The following SLCO1A2 variants were observed in gnomAD, a reference collection of about 807,000 sequenced individuals.
SLCO1A2 encodes solute carrier organic anion transporter family member 1A2.
A neutral mutation model predicts 69.0 loss-of-function variants in SLCO1A2; 67 were observed. That is an observed-to-expected ratio of 0.97 (90% CI 0.80 to 1.19). The LOEUF (loss-of-function observed/expected upper bound fraction) is 1.19, where lower values mean the gene tolerates loss of function less well. Ranked by LOEUF, SLCO1A2 falls within the 50% of genes most tolerant of loss-of-function variation. SLCO1A2 has a pLI of 0.00. For synonymous variants in SLCO1A2, 260 were observed against 265.9 expected, an observed-to-expected ratio of 0.98 and a Z score of 0.22; for missense variants, 787 against 793.7, an observed-to-expected ratio of 0.99 and a Z score of 0.10.
intron 2 of SLCO1A2, among the ~76,000 whole-genome samples, chr12:21,321,752 A>G (rs1001208719): frequency 2.6e-5 from 4 of 152,168 alleles, no homozygotes; most frequent in Admixed American, 1.3e-4. Context: ...CTCAAGACTC[A>G]GGTATTTTAT....
chr12:21,266,824 G>A lies in SLCO1A2; in HGVS notation c.*2724C>T, dbSNP rs1410619611. On this transcript the variant is annotated 3_prime_UTR_variant, in exon 15 of 15. Transcript: ENST00000683939. ...AATTAATTAAAATAAAACCATAGGT[G>A]GATTCACAAAGAAACTGTGTAAGCA... 1.3e-5 allele frequency: 2 copies of A among 151,834 alleles called. No homozygotes were observed. The highest frequency in any genetic ancestry group is 6.6e-5 in the Admixed American group (1 of 15,238). The allele number at this position is 151,834 out of a possible 1,614,324, so 9.4% of individuals were successfully genotyped here.
At chr12:21,348,348 C>G (rs1264404123) in intron 2 of SLCO1A2, among the ~76,000 whole-genome samples, 1 of 152,148 alleles carries the variant, frequency 6.6e-6, no homozygotes, top group African/African-American at 2.4e-5. Flanking sequence ...TTCATTCTGT[C>G]TATTTTTGTA....
chr12:21,346,168 C>T (rs933912316), intron 2 of SLCO1A2, among the ~76,000 whole-genome samples: 1 of 152,050 alleles, frequency 6.6e-6, no homozygotes, highest in Non-Finnish European at 1.5e-5. Flanking sequence ...AAACCATACT[C>T]ATTTAATATA....
intron 10 of SLCO1A2, chr12:21,295,290 A>G (rs960209661): frequency 4.3e-6 from 1 of 233,562 alleles, no homozygotes; most frequent in African/African-American, 2.3e-5. Flanking sequence ...ATACAACCTG[A>G]AACTGTAGGT....
intron 2 of SLCO1A2, among the ~76,000 whole-genome samples, chr12:21,342,013 G>A (rs1416760329): frequency 6.6e-6 from 1 of 151,956 alleles, no homozygotes; most frequent in East Asian, 1.9e-4. Context: ...CCACTCAGCT[G>A]AATACCGTTT....
intron 12 of SLCO1A2, among the ~76,000 whole-genome samples, chr12:21,291,406 T>G (rs1197298533): frequency 1.3e-5 from 2 of 152,028 alleles, no homozygotes; most frequent in Non-Finnish European, 2.9e-5. Context: ...TAGAAATAAA[T>G]AAATAAATGA....
At chr12:21,310,772 T>C (rs1950038750) in intron 4 of SLCO1A2, among the ~76,000 whole-genome samples, 1 of 152,156 alleles carries the variant, frequency 6.6e-6, no homozygotes, top group African/African-American at 2.4e-5. Context: ...CTGGCTCATT[T>C]TTTTGTGTTT....
At chr12:21,330,308 C>T (rs1184112677) in intron 2 of SLCO1A2, among the ~76,000 whole-genome samples, 1 of 151,910 alleles carries the variant, frequency 6.6e-6, no homozygotes, top group Non-Finnish European at 1.5e-5. Flanking sequence ...GCCTGGGCAA[C>T]ATGTGACACT....
rs566271897 is a variant in SLCO1A2 at position 21,269,272 on chromosome 12, C to T, written c.*276G>A. ...AGATGTAGGAAGTACACCCTTACTT[C>T]GATGAATTAAGGGAAATTGCTGTTT... On this transcript the variant is annotated 3_prime_UTR_variant, in exon 15 of 15. Coordinates refer to ENST00000683939, the MANE Select transcript of SLCO1A2 (RefSeq NM_001386879.1). The T allele has an allele frequency of 5.5e-5, 14 of 254,186 alleles. No individual in the cohort carries two copies. The highest frequency in any genetic ancestry group is 2.7e-4 in the African/African-American group (12 of 44,736). 15.7% of individuals were successfully genotyped at this position (254,186 alleles called of 1,614,324 possible).
intron 4 of SLCO1A2, among the ~76,000 whole-genome samples, chr12:21,312,039 GGAAGAAGAAGAGGAGGA>G (rs1950264016): frequency 1.3e-5 from 2 of 150,182 alleles, no homozygotes; most frequent in Non-Finnish European, 1.5e-5. Flanking sequence ...AAGAAGAAGA[GGAAGAAGAAGAGGAGGA>G]GAAGAAGAAG....
intron 1 of SLCO1A2, among the ~76,000 whole-genome samples, chr12:21,401,747 T>A (rs1448603878): frequency 6.6e-6 from 1 of 151,906 alleles, no homozygotes; most frequent in Admixed American, 6.6e-5. Flanking sequence ...TGACATAGGA[T>A]ACTAAAGCCT....
At chr12:21,299,361 G>T (rs1948215429) in intron 8 of SLCO1A2, among the ~76,000 whole-genome samples, 1 of 149,442 alleles carries the variant, frequency 6.7e-6, no homozygotes, top group Admixed American at 6.6e-5. Flanking sequence ...CTTTTATTGA[G>T]GTTCTGTACC....
intron 1 of SLCO1A2, among the ~76,000 whole-genome samples, chr12:21,390,641 A>C (rs1276552262): frequency 6.6e-6 from 1 of 152,144 alleles, no homozygotes; most frequent in East Asian, 1.9e-4. Context: ...AATTGATACT[A>C]ACTTTTAAAC....
chr12:21,407,584 T>C lies in SLCO1A2; in HGVS notation c.-312+10298A>G, dbSNP rs151145027. Among the ~76,000 whole-genome samples the C allele has an allele frequency of 2.6e-5, 4 of 152,140 alleles. No individual in the cohort carries two copies. The East Asian group carries it at 7.7e-4, about 29-fold the overall frequency. ...GGGAGGCCAAGGCAGACGAATCACT[T>C]GAGCTCAGGAGTTCAAGACTAGCCT... is the stretch of plus-strand genomic sequence containing the variant. On this transcript the variant is annotated intron_variant, in intron 1 of 4. Transcript: ENST00000413682.
chr12:21,407,621 C>A (rs139073470), intron 1 of SLCO1A2, among the ~76,000 whole-genome samples: 229 of 152,026 alleles, frequency 1.5e-3, no homozygotes, highest in Middle Eastern at 6.8e-3. Context: ...AGCAACATGG[C>A]GAAATCCTGT....
At position 21,268,442 on chromosome 12, in the gene SLCO1A2, A is replaced by G. The variant is rs1427341106; in HGVS notation, c.*1106T>C. ...CTGTCATTTCAACAGGAAGGAGAGT[A>G]AGGAGTAGACAAACAGGTATTTGTC... is the stretch of plus-strand genomic sequence containing the variant. On this transcript the variant is annotated 3_prime_UTR_variant, in exon 15 of 15. Coordinates refer to ENST00000683939, the MANE Select transcript of SLCO1A2 (RefSeq NM_001386879.1). 3.9e-5 allele frequency: 6 copies of G among 152,128 alleles called. No homozygotes were observed. Among genetic ancestry groups the G allele is most frequent in the Non-Finnish European group, 2.9e-5 (2 of 67,984 alleles). 9.4% of individuals were successfully genotyped at this position (152,128 alleles called of 1,614,324 possible).
chr12:21,313,050 C>T (rs1170557075), intron 4 of SLCO1A2, among the ~76,000 whole-genome samples: 1 of 152,156 alleles, frequency 6.6e-6, no homozygotes, highest in Admixed American at 6.5e-5. Context: ...CGCACCACTA[C>T]ACCCCACCTT....
Position 21,314,591 on chromosome 12 carries a change from A to G in SLCO1A2, c.293T>C (p.Leu98Ser). 1 of 1,614,158 alleles carries G rather than the reference A, an allele frequency of 6.2e-7. No individual in the cohort carries two copies. The highest frequency in any genetic ancestry group is 8.5e-7 in the Non-Finnish European group (1 of 1,179,980). ...AGGTAGTGATTTTAAGAAACAGCCT[A>G]AGCCCATAACCACACATCCAATGCC... is the stretch of plus-strand genomic sequence containing the variant. Reference protein sequence around the residue: ...MIGIGCVVMGLGCFLKSLPHF... With the variant: ...MIGIGCVVMGSGCFLKSLPHF... Residue 98 changes from leucine (L) to serine (S), a missense_variant, in exon 4 of 15, where the codon TTA (leucine) becomes TCA (serine). Leu to Ser is a moderately radical substitution (Grantham distance 145). Transcript: ENST00000683939.
upstream of SLCO1A2, among the ~76,000 whole-genome samples, chr12:21,335,247 G>A (rs1051056911): frequency 1.8e-4 from 27 of 151,932 alleles, no homozygotes; most frequent in African/African-American, 5.1e-4. Flanking sequence ...GGGGAGACAC[G>A]GAATTTTAAT....
Sources: allele counts gnomAD v4.1 joint callset (sites outside exome capture counted in the v4.1 genomes callset), GRCh38; gene constraint gnomAD v4.1.1; transcripts MANE v1.5; gene names NCBI Gene and HGNC (gene_info 2026-07-23, HGNC 2026-07-21).